The following SHISA9 variants were observed in gnomAD, a reference collection of about 807,000 sequenced individuals.
SHISA9 encodes the protein shisa family member 9.
In SHISA9, 13 loss-of-function variants were observed where a neutral mutation model predicts 38.0. The observed-to-expected ratio is 0.34, with a 90% CI of 0.22 to 0.54. The LOEUF (loss-of-function observed/expected upper bound fraction) is 0.54. Among genes scored for constraint, SHISA9 ranks in the 20% least tolerant of loss-of-function variants. SHISA9 has a pLI of 0.91. For synonymous variants in SHISA9, 275 were observed against 242.0 expected, an observed-to-expected ratio of 1.14 and a Z score of -1.27; for missense variants, 538 against 575.8, an observed-to-expected ratio of 0.93 and a Z score of 0.67.
the SHISA9 span, among the ~76,000 whole-genome samples, chr16:13,499,108 C>CT: frequency 6.6e-6 from 1 of 152,220 alleles, no homozygotes; most frequent in African/African-American, 2.4e-5. Flanking sequence ...TCAGAGAACT[C>CT]TGTTTCCCCA....
chr16:13,431,354 C>T, the SHISA9 span, among the ~76,000 whole-genome samples: 1 of 152,178 alleles, frequency 6.6e-6, no homozygotes, highest in East Asian at 1.9e-4. Context: ...AACTGATGGC[C>T]AAAAGCAATT....
the SHISA9 span, among the ~76,000 whole-genome samples, chr16:13,428,424 T>G: frequency 3.7e-4 from 57 of 152,286 alleles, no homozygotes; most frequent in Middle Eastern, 3.4e-3. Flanking sequence ...TCAAATACAT[T>G]GACCAAGAGC....
intron 2 of SHISA9, among the ~76,000 whole-genome samples, chr16:13,019,408 T>TAA (rs2072795493): frequency 6.6e-6 from 1 of 152,148 alleles, no homozygotes; most frequent in African/African-American, 2.4e-5. Context: ...GGTGGCTTCT[T>TAA]ACTATGTCCT....
the SHISA9 span, among the ~76,000 whole-genome samples, chr16:13,352,817 C>G: frequency 1.3e-5 from 2 of 150,410 alleles, no homozygotes; most frequent in Non-Finnish European, 2.9e-5. Context: ...AGTGGGGGAG[C>G]TTTTTGAGCC....
chr16:13,097,692 C>G (rs2073841425), intron 2 of SHISA9, among the ~76,000 whole-genome samples: 2 of 152,166 alleles, frequency 1.3e-5, no homozygotes, highest in African/African-American at 4.8e-5. Context: ...GTGGGAGTCA[C>G]CATGCCTGGC....
chr16:13,020,540 C>T (rs118003953), intron 2 of SHISA9, among the ~76,000 whole-genome samples: 134 of 152,260 alleles, frequency 8.8e-4, no homozygotes, highest in South Asian at 1.2e-3. Context: ...TTATTGGATT[C>T]GTACCTCATT....
the SHISA9 span, among the ~76,000 whole-genome samples, chr16:13,278,795 A>T: frequency 6.6e-6 from 1 of 151,376 alleles, no homozygotes; most frequent in Non-Finnish European, 1.5e-5. Flanking sequence ...GGTAATTTGG[A>T]TTTTTTCTCT....
intron 2 of SHISA9, among the ~76,000 whole-genome samples, chr16:13,013,976 A>ATC (rs1472444455): frequency 6.6e-6 from 1 of 152,038 alleles, no homozygotes; most frequent in Non-Finnish European, 1.5e-5. Flanking sequence ...TGATCTGCCC[A>ATC]TCTCTGCCTC....
the SHISA9 span, among the ~76,000 whole-genome samples, chr16:13,526,207 G>A: frequency 2.6e-5 from 4 of 152,090 alleles, no homozygotes; most frequent in African/African-American, 7.2e-5. Context: ...TTATCAAAAC[G>A]GGTCTTCATT....
At chr16:13,272,985 TTCTC>T in the SHISA9 span, among the ~76,000 whole-genome samples, 2 of 152,182 alleles carry the variant, frequency 1.3e-5, no homozygotes, top group African/African-American at 2.4e-5. Context: ...GGTTATTGCT[TTCTC>T]TCTCATTTCC....
chr16:13,499,331 T>C, the SHISA9 span, among the ~76,000 whole-genome samples: 1 of 152,186 alleles, frequency 6.6e-6, no homozygotes, highest in Admixed American at 6.5e-5. Context: ...AAATCAACAT[T>C]ATCTTACCTA....
At chr16:13,482,668 G>A in the SHISA9 span, among the ~76,000 whole-genome samples, 1 of 152,056 alleles carries the variant, frequency 6.6e-6, no homozygotes, top group African/African-American at 2.4e-5. Context: ...TGGCGTGGTG[G>A]CACATGCCTG....
chr16:13,096,294 T>C (rs1477611768), intron 2 of SHISA9, among the ~76,000 whole-genome samples: 2 of 152,258 alleles, frequency 1.3e-5, no homozygotes, highest in Non-Finnish European at 2.9e-5. Flanking sequence ...GGCCCTCATC[T>C]ACCCTTAGGT....
At chr16:13,046,640 C>A (rs982716538) in intron 2 of SHISA9, among the ~76,000 whole-genome samples, 1 of 152,178 alleles carries the variant, frequency 6.6e-6, no homozygotes, top group African/African-American at 2.4e-5. Context: ...TCCATGGCTC[C>A]CTATTGCTTT....
At chr16:13,269,866 G>T in the SHISA9 span, among the ~76,000 whole-genome samples, 1 of 152,166 alleles carries the variant, frequency 6.6e-6, no homozygotes, top group African/African-American at 2.4e-5. Context: ...TTGATTCAAG[G>T]TCTGGAGCAG....
At chr16:13,255,065 G>C in the SHISA9 span, among the ~76,000 whole-genome samples, 2 of 151,976 alleles carry the variant, frequency 1.3e-5, no homozygotes, top group African/African-American at 4.8e-5. Flanking sequence ...CTGCAGACTT[G>C]GATACCTGGC....
At chr16:13,208,297 G>C (rs890459546) in intron 3 of SHISA9, among the ~76,000 whole-genome samples, 1 of 152,072 alleles carries the variant, frequency 6.6e-6, no homozygotes, top group Non-Finnish European at 1.5e-5. Context: ...TTGAATAAAG[G>C]GTGTTAATGT....
intron 2 of SHISA9, among the ~76,000 whole-genome samples, chr16:12,951,904 A>G (rs545190040): frequency 3.9e-5 from 6 of 152,332 alleles, no homozygotes; most frequent in South Asian, 2.1e-4. Flanking sequence ...GAGGACAAAC[A>G]AAACCAAACA....
rs1484846081 is a variant in SHISA9 at position 12,985,206 on chromosome 16, C to T, written c.691+68391C>T. ...ATGTTGTACACCACAAATATCTACA[C>T]TATATCTGTCAACGAAAAATAAATA... On this transcript the variant is annotated intron_variant, in intron 2 of 4. Transcript: ENST00000558583. 7.9e-5 allele frequency among the ~76,000 whole-genome samples: 12 copies of T among 151,148 alleles called. 1 individual carries two copies. In the South Asian group the frequency reaches 2.1e-3, roughly 26 times the overall value.
Sources: allele counts gnomAD v4.1 joint callset (sites outside exome capture counted in the v4.1 genomes callset), GRCh38; gene constraint gnomAD v4.1.1; transcripts MANE v1.5; gene names NCBI Gene and HGNC (gene_info 2026-07-23, HGNC 2026-07-21).